Variants in SLC24A2 observed in about 807,000 individuals in gnomAD.
SLC24A2 encodes the protein solute carrier family 24 member 2, also known as sodium/potassium/calcium exchanger 2.
SLC24A2 carries 36 observed loss-of-function variants against 62.0 expected under a neutral mutation model. The observed-to-expected ratio is 0.58, with a 90% CI of 0.44 to 0.77. SLC24A2 has a LOEUF of 0.77. Among genes scored for constraint, SLC24A2 ranks in the 30% least tolerant of loss-of-function variants. SLC24A2 has a pLI of 0.00. For missense variants in SLC24A2, 846 were observed against 817.9 expected (o/e 1.03, Z -0.42); for synonymous variants, 358 against 294.0 (o/e 1.22, Z -2.23).
At chr9:19,909,984 A>C in the SLC24A2 span, among the ~76,000 whole-genome samples, 1 of 151,818 alleles carries the variant, frequency 6.6e-6, no homozygotes, top group Non-Finnish European at 1.5e-5. Context: ...TTCCATATTC[A>C]CTCAAAATAA....
chr9:19,856,019 T>C, the SLC24A2 span, among the ~76,000 whole-genome samples: 1 of 152,202 alleles, frequency 6.6e-6, no homozygotes, highest in Non-Finnish European at 1.5e-5. Flanking sequence ...GTTTGCCTGT[T>C]TTATTTCAGA....
chr9:20,250,777 T>G, the SLC24A2 span, among the ~76,000 whole-genome samples: 8 of 152,218 alleles, frequency 5.3e-5, no homozygotes, highest in East Asian at 1.5e-3. Flanking sequence ...TATCCAAAAT[T>G]TCCCAATTAT....
the SLC24A2 span, among the ~76,000 whole-genome samples, chr9:20,219,457 C>T: frequency 5.3e-5 from 8 of 152,306 alleles, no homozygotes; most frequent in Admixed American, 4.6e-4. Flanking sequence ...GGTATTGCTT[C>T]CTCAAGACTA....
At chr9:19,879,085 T>C in the SLC24A2 span, among the ~76,000 whole-genome samples, 2 of 152,206 alleles carry the variant, frequency 1.3e-5, no homozygotes, top group African/African-American at 2.4e-5. Context: ...CTAATCTTTA[T>C]TCCTCCTTGT....
intron 2 of SLC24A2, among the ~76,000 whole-genome samples, chr9:19,654,845 C>T (rs560198767): frequency 5.3e-5 from 8 of 152,162 alleles, no homozygotes; most frequent in African/African-American, 1.2e-4. Context: ...CGTACTCACA[C>T]GGCAATGCAA....
chr9:20,080,100 T>C, the SLC24A2 span, among the ~76,000 whole-genome samples: 2 of 152,190 alleles, frequency 1.3e-5, no homozygotes, highest in African/African-American at 2.4e-5. Flanking sequence ...TACCAATGAC[T>C]TTCTTCACAG....
chr9:20,018,355 T>C, the SLC24A2 span, among the ~76,000 whole-genome samples: 1 of 152,166 alleles, frequency 6.6e-6, no homozygotes, highest in Non-Finnish European at 1.5e-5. Context: ...CCTCTATCTG[T>C]CTATCAAGAG....
At chr9:19,572,847 C>T (rs1835879794) in intron 7 of SLC24A2, among the ~76,000 whole-genome samples, 1 of 152,178 alleles carries the variant, frequency 6.6e-6, no homozygotes, top group Non-Finnish European at 1.5e-5. Flanking sequence ...ATTTCAACCA[C>T]AGGGACAGAG....
chr9:20,013,839 G>A, the SLC24A2 span, among the ~76,000 whole-genome samples: 4 of 152,100 alleles, frequency 2.6e-5, no homozygotes, highest in Non-Finnish European at 4.4e-5. Context: ...GCTCAGTATC[G>A]CTAATCATAA....
At chr9:19,762,599 G>C (rs1822370923) in intron 2 of SLC24A2, among the ~76,000 whole-genome samples, 1 of 152,104 alleles carries the variant, frequency 6.6e-6, no homozygotes, top group African/African-American at 2.4e-5. Context: ...TGTCACATTT[G>C]TCAAAGATCA....
At position 19,576,997 on chromosome 9, in the gene SLC24A2, A is replaced by T; in HGVS notation, c.1155T>A (p.Ile385=). The T allele has an allele frequency of 6.2e-7, 1 of 1,614,036 alleles. No homozygotes were observed. Among genetic ancestry groups the T allele is most frequent in the Non-Finnish European group, 8.5e-7 (1 of 1,179,974 alleles). The change falls in exon 6 of 11, where the codon ATT becomes ATA. Residue 385 remains isoleucine (I), a synonymous_variant. Transcript: ENST00000341998. The stretch of plus-strand genomic sequence containing the variant: ...ATTTCTTCTTGGCGATCTTGTGGAG[A>T]ATTGAAGCCTTTTCTCTGAACCTCC... ...EEGRFREKAS[I]LHKIAKKKCH...
chr9:19,648,417 G>C (rs1190268292), intron 2 of SLC24A2, among the ~76,000 whole-genome samples: 1 of 152,166 alleles, frequency 6.6e-6, no homozygotes, highest in Non-Finnish European at 1.5e-5. Context: ...CAAAGGAGTT[G>C]GATGGCACTT....
chr9:20,168,958 A>G, the SLC24A2 span, among the ~76,000 whole-genome samples: 2 of 152,064 alleles, frequency 1.3e-5, no homozygotes, highest in African/African-American at 2.4e-5. Context: ...CCCAATGTCC[A>G]TCAATAGATG....
chr9:19,815,981 T>TTA, the SLC24A2 span, among the ~76,000 whole-genome samples: 2 of 145,728 alleles, frequency 1.4e-5, no homozygotes, highest in East Asian at 4.0e-4. Context: ...TTTTTTTTTT[T>TTA]ACCTTAATCA....
At chr9:19,773,631 C>T (rs976496836) in intron 2 of SLC24A2, among the ~76,000 whole-genome samples, 1 of 152,188 alleles carries the variant, frequency 6.6e-6, no homozygotes, top group South Asian at 2.1e-4. Context: ...AAGCATTAAG[C>T]GCCCTTTGGC....
At chr9:20,001,428 C>T in the SLC24A2 span, among the ~76,000 whole-genome samples, 1 of 152,204 alleles carries the variant, frequency 6.6e-6, no homozygotes, top group Non-Finnish European at 1.5e-5. Flanking sequence ...GCCAAGGCAA[C>T]CAATTAATTT....
chr9:20,108,746 T>A, the SLC24A2 span, among the ~76,000 whole-genome samples: 1 of 151,636 alleles, frequency 6.6e-6, no homozygotes, highest in Non-Finnish European at 1.5e-5. Context: ...ATACCTAATG[T>A]TAAATGATGA....
intron 7 of SLC24A2, among the ~76,000 whole-genome samples, 181 bp from the exon 8 acceptor site, chr9:19,550,449 A>C (rs1052094719): frequency 1.3e-5 from 2 of 152,206 alleles, no homozygotes; most frequent in Non-Finnish European, 2.9e-5. Flanking sequence ...AACAAATAAT[A>C]CATTGTCCAG....
chr9:20,245,115 C>G, the SLC24A2 span, among the ~76,000 whole-genome samples: 1 of 152,024 alleles, frequency 6.6e-6, no homozygotes, highest in African/African-American at 2.4e-5. Flanking sequence ...TAGGTAGGCC[C>G]TAGTGACACA....
Sources: gnomAD v4.1 joint callset for allele counts (sites outside exome capture counted in the v4.1 genomes callset) on GRCh38, gnomAD v4.1.1 for gene constraint, MANE v1.5 for transcripts, NCBI Gene and HGNC (gene_info 2026-07-23, HGNC 2026-07-21) for gene names.